The following SF3B2 variants were observed in gnomAD, a reference collection of about 807,000 sequenced individuals.
SF3B2 encodes the protein splicing factor 3b subunit 2.
In SF3B2, 22 loss-of-function variants were observed where a neutral mutation model predicts 116.3. That is an observed-to-expected ratio of 0.19 (90% CI 0.14 to 0.27). The LOEUF is 0.27. Among genes scored for constraint, SF3B2 ranks in the 10% least tolerant of loss-of-function variants. The probability of loss-of-function intolerance (pLI) is 1.00; values close to 1 mark genes in which losing one functional copy is unlikely to be tolerated. For synonymous variants in SF3B2, 406 were observed against 421.6 expected (o/e 0.96, Z 0.45); for missense variants, 767 against 1,151.4 (o/e 0.67, Z 4.83).
chr11:66,057,785 C>T (rs566730789), intron 7 of SF3B2, among the ~76,000 whole-genome samples: 25 of 151,730 alleles, frequency 1.6e-4, no homozygotes, highest in Non-Finnish European at 2.9e-5. Context: ...AGACCAGCCT[C>T]AACATGGAGA....
At position 66,061,878 on chromosome 11, in the gene SF3B2, C is replaced by A; in HGVS notation, c.1870-13C>A. 6.2e-7 allele frequency: 1 copy of A among 1,611,388 alleles called. No homozygotes were observed. Among genetic ancestry groups the A allele is most frequent in the Admixed American group, 1.7e-5 (1 of 59,892 alleles). ...GGTTTGGCAGATGGTATCCTGTTCTCTTTTTCCTGCAGAATGCCCACAAGG... is the reference window on the plus strand; with the variant it reads ...GGTTTGGCAGATGGTATCCTGTTCTATTTTTCCTGCAGAATGCCCACAAGG... On this transcript the variant is annotated splice_polypyrimidine_tract_variant and intron_variant, in intron 15 of 21. Transcript: ENST00000322535.
chr11:66,067,710 C>T (rs1857212324), intron 19 of SF3B2: 1 of 531,428 alleles, frequency 1.9e-6, no homozygotes, highest in Non-Finnish European at 3.4e-6. Context: ...GGTCTGTGAT[C>T]CCTTGACTTG....
rs1856889848 is a variant in SF3B2, at chr11:66,052,382, A to C, written c.-3A>C. The C allele has an allele frequency of 6.2e-6, 10 of 1,609,222 alleles. No individual in the cohort carries two copies. In the East Asian group the frequency reaches 2.2e-4, roughly 36 times the overall value. On this transcript the variant is annotated 5_prime_UTR_variant, in exon 1 of 22. Transcript: ENST00000322535. Reference sequence around the variant, plus strand: ...GTTGGTCGCGCGCCTTCCTGCGGCTAAGATGGCGACGGAGCATCCCGAGCC... The same window carrying C: ...GTTGGTCGCGCGCCTTCCTGCGGCTCAGATGGCGACGGAGCATCCCGAGCC...
At position 66,057,350 on chromosome 11, in the gene SF3B2, C is replaced by T. The variant is rs77713633; in HGVS notation, c.752C>T (p.Pro251Leu). 1,414 of 1,521,712 alleles carry T rather than the reference C, an allele frequency of 9.3e-4. 3 individuals carry two copies. The highest frequency in any genetic ancestry group is 1.2e-3 in the Non-Finnish European group (1,325 of 1,095,514). The allele number at this position is 1,521,712 out of a possible 1,614,324, so 94.3% of individuals were successfully genotyped here. A position where few individuals can be genotyped will look rare whatever the true frequency, so the allele number is the denominator to read the frequency against. ...APVPRPRGPPPPPGDENREMD... is the reference protein window; with the variant it reads ...APVPRPRGPPLPPGDENREMD... The stretch of plus-strand genomic sequence containing the variant: ...GTTCCCCGGCCTCGTGGTCCCCCAC[C>T]GCCCCCTGGAGATGAGAACAGAGAG... The change falls in exon 7 of 22, where the codon CCG (proline) becomes CTG (leucine). Residue 251 changes from proline to leucine, a missense_variant. Pro to Leu is a moderately conservative substitution (Grantham distance 98). Transcript: ENST00000322535.
intron 16 of SF3B2, 53 bp downstream of exon 16, chr11:66,062,051 G>A: frequency 3.0e-6 from 4 of 1,338,248 alleles, no homozygotes; most frequent in Non-Finnish European, 4.2e-6. Flanking sequence ...TGAACTGGAA[G>A]GTAATTTGTT....
At chr11:66,061,411 G>A (rs1857098336) in intron 14 of SF3B2, among the ~76,000 whole-genome samples, 1 of 152,168 alleles carries the variant, frequency 6.6e-6, no homozygotes. Context: ...TTATGAGGTG[G>A]AAGAATTTTG....
At chr11:66,060,339 C>G (rs1857079695) in intron 13 of SF3B2, among the ~76,000 whole-genome samples, 1 of 152,192 alleles carries the variant, frequency 6.6e-6, no homozygotes, top group South Asian at 2.1e-4. Context: ...TGTTGAGATT[C>G]ATCTCTTGAT....
In SF3B2 at chr11:66,068,989, C is replaced by T; in HGVS notation, c.*244C>T. On this transcript the variant is annotated 3_prime_UTR_variant, in exon 22 of 22. Coordinates refer to ENST00000322535, the MANE Select transcript of SF3B2 (RefSeq NM_006842.3). Reference sequence around the variant, plus strand: ...GTCTCTTTCTACAATCACTGGGCTGCCCCAGTAACCACGAACATAAACTGG... The same window carrying T: ...GTCTCTTTCTACAATCACTGGGCTGTCCCAGTAACCACGAACATAAACTGG... 1 of 484,364 alleles carries T rather than the reference C, an allele frequency of 2.1e-6. No homozygotes were observed. The highest frequency in any genetic ancestry group is 3.8e-6 in the Non-Finnish European group (1 of 263,788). The allele number at this position is 484,364 out of a possible 1,614,324, so 30.0% of individuals were successfully genotyped here.
In SF3B2 at chr11:66,068,841, T is replaced by C. The variant is rs762705135; in HGVS notation, c.*96T>C. 12 of 965,148 alleles carry C rather than the reference T, an allele frequency of 1.2e-5. No individual in the cohort carries two copies. Among genetic ancestry groups the C allele is most frequent in the Non-Finnish European group, 1.8e-5 (11 of 619,240 alleles). The allele number at this position is 965,148 out of a possible 1,614,324, so 59.8% of individuals were successfully genotyped here. On this transcript the variant is annotated 3_prime_UTR_variant, in exon 22 of 22. Transcript: ENST00000322535. ...CCGCAGTTCCCAAGGACTTGTCATT[T>C]CATGTTCTTATTTTAGACCTGTTTT...
chr11:66,062,952 G>C, intron 16 of SF3B2, 57 bp from the exon 17 acceptor site: 1 of 1,202,656 alleles, frequency 8.3e-7, no homozygotes, highest in Admixed American at 2.1e-5. Context: ...TTTCTCTAGG[G>C]CTTCAGAATT....
intron 3 of SF3B2, chr11:66,053,506 C>A: frequency 4.7e-6 from 1 of 212,302 alleles, no homozygotes; most frequent in Non-Finnish European, 9.8e-6. Context: ...TAGTGAGACT[C>A]TGTTACTACA....
intron 13 of SF3B2, among the ~76,000 whole-genome samples, chr11:66,060,280 A>G (rs765708565): frequency 6.6e-6 from 1 of 152,228 alleles, no homozygotes; most frequent in Non-Finnish European, 1.5e-5. Context: ...AATGCTTTGA[A>G]TTCAGGAGGT....
chr11:66,067,342 G>A (rs1857206038), intron 19 of SF3B2: 2 of 452,902 alleles, frequency 4.4e-6, no homozygotes, highest in Admixed American at 2.4e-5. Flanking sequence ...TTGAGCAAAG[G>A]TCTGACAGGA....
In SF3B2 at chr11:66,052,528, C is replaced by T; in HGVS notation, c.133+11C>T. On this transcript the variant is annotated intron_variant, in intron 1 of 21. Transcript: ENST00000322535. ...GAGCTCCGATCCAGGGTGAGGAACA[C>T]AGGAAGTCGAGGGGCCTTTACGGGC... 6.2e-7 allele frequency: 1 copy of T among 1,610,110 alleles called. No homozygotes were observed. Among genetic ancestry groups the T allele is most frequent in the Non-Finnish European group, 8.5e-7 (1 of 1,177,840 alleles).
rs895317164 is a variant in SF3B2, at chr11:66,060,781, G to T, written c.1779+50G>T. The T allele has an allele frequency of 2.6e-6, 4 of 1,563,214 alleles. No individual in the cohort carries two copies. In the African/African-American group the frequency reaches 5.5e-5, roughly 22 times the overall value. On this transcript the variant is annotated intron_variant, in intron 14 of 21. Coordinates refer to ENST00000322535, the MANE Select transcript of SF3B2 (RefSeq NM_006842.3). ...CAGGCTGGGCCTTGGGGTTGAGACTGTCTAGGGCTTTTTTTTGTTTGTTTG... is the reference window on the plus strand; with the variant it reads ...CAGGCTGGGCCTTGGGGTTGAGACTTTCTAGGGCTTTTTTTTGTTTGTTTG...
rs376698512 is a variant in SF3B2, at chr11:66,068,656, C to G, written c.2617-18C>G. ...TGGTTCAACCTGTCTTAACCTGTGT[C>G]TCTTTCTCCCTATACAGCAAAAAAA... On this transcript the variant is annotated intron_variant, in intron 21 of 21. Transcript: ENST00000322535. The G allele has an allele frequency of 4.6e-5, 75 of 1,613,302 alleles. No individual in the cohort carries two copies. Among genetic ancestry groups the G allele is most frequent in the Non-Finnish European group, 6.0e-5 (71 of 1,179,516 alleles).
intron 19 of SF3B2, chr11:66,067,156 CTTGTCAGGAAGCAGAAGTCT>C (rs992337929): frequency 4.7e-5 from 12 of 255,494 alleles, no homozygotes; most frequent in African/African-American, 2.5e-4. Context: ...CCTCTTGCTC[CTTGTCAGGAAGCAGAAGTCT>C]CAAGCTTTGC....
rs896650663 is a variant in SF3B2 at position 66,055,298 on chromosome 11, G to A, written c.481G>A (p.Glu161Lys). The change falls in exon 4 of 22, where the codon GAG becomes AAG. Residue 161 changes from glutamate to lysine, a missense_variant. Physicochemically the swap from Glu to Lys is moderately conservative, Grantham distance 56. This residue lies in a region of SF3B2 where 455 missense variants were observed against 537.5 expected (regional missense o/e 0.85). Transcript: ENST00000322535. ...GCAGGCGGCATTGCTGATGCAGCAG[G>A]AGGAGCGTGCCAAGCAGGTAGGGCA... ...QQQAALLMQQ[E>K]ERAKQQGDHS... is the part of the protein sequence containing the mutation. The A allele has an allele frequency of 6.2e-7, 1 of 1,612,866 alleles. No individual in the cohort carries two copies. The highest frequency in any genetic ancestry group is 1.3e-5 in the African/African-American group (1 of 74,928).
chr11:66,063,320 C>A, intron 17 of SF3B2, 80 bp from the exon 18 acceptor site: 2 of 1,384,938 alleles, frequency 1.4e-6, no homozygotes, highest in East Asian at 2.4e-5. Flanking sequence ...TTGACTCTTA[C>A]ACCCCTTCAG....
Sources: allele counts gnomAD v4.1 joint callset (sites outside exome capture counted in the v4.1 genomes callset), GRCh38; gene constraint gnomAD v4.1.1; regional missense constraint gnomAD v4.1.1; transcripts MANE v1.5; gene names NCBI Gene and HGNC (gene_info 2026-07-23, HGNC 2026-07-21).